The following DAB1 variants were observed in gnomAD, a reference collection of about 807,000 sequenced individuals.
DAB1 encodes the protein DAB adaptor protein 1.
In DAB1, 15 loss-of-function variants were observed where a neutral mutation model predicts 64.6. The observed-to-expected ratio is 0.23, with a 90% confidence interval of 0.16 to 0.36. The LOEUF (loss-of-function observed/expected upper bound fraction) is 0.36, where lower values mean the gene tolerates loss of function less well. DAB1 is among the 10% of genes least tolerant of loss of function. The pLI is 1.00. For missense variants in DAB1, 596 were observed against 706.7 expected (o/e 0.84, Z 1.78); for synonymous variants, 235 against 251.9 (o/e 0.93, Z 0.64).
chr1:57,472,070 C>T (rs1157614999), intron 7 of DAB1, among the ~76,000 whole-genome samples: 1 of 152,200 alleles, frequency 6.6e-6, no homozygotes, highest in East Asian at 1.9e-4. Context: ...CTCTTTTCTA[C>T]AAATGAGAAA....
intron 3 of DAB1, among the ~76,000 whole-genome samples, chr1:58,482,254 C>T (rs1359873499): frequency 1.3e-5 from 2 of 151,998 alleles, no homozygotes; most frequent in South Asian, 2.1e-4. Flanking sequence ...ATAATTAAGG[C>T]CCAAAATTGA....
At chr1:58,029,105 A>G (rs1187245562) in intron 5 of DAB1, among the ~76,000 whole-genome samples, 1 of 152,118 alleles carries the variant, frequency 6.6e-6, no homozygotes, top group Non-Finnish European at 1.5e-5. Context: ...ATACTATCTA[A>G]CACTAAGACC....
At chr1:57,343,135 G>A (rs1285148409) in intron 1 of DAB1, among the ~76,000 whole-genome samples, 1 of 151,986 alleles carries the variant, frequency 6.6e-6, no homozygotes, top group South Asian at 2.1e-4. Context: ...AGACACAAAG[G>A]TTCTCCACGT....
chr1:57,053,666 G>GTGTA (rs1553134281), intron 9 of DAB1, among the ~76,000 whole-genome samples: 1 of 99,192 alleles, frequency 1.0e-5, no homozygotes, highest in Non-Finnish European at 1.8e-5. Flanking sequence ...CTCTCTATAT[G>GTGTA]TATATATATA....
chr1:58,093,474 G>C (rs1650800557), intron 5 of DAB1, among the ~76,000 whole-genome samples: 1 of 151,988 alleles, frequency 6.6e-6, no homozygotes, highest in Non-Finnish European at 1.5e-5. Context: ...GATTCTCATA[G>C]GTGCATGAAC....
chr1:57,824,440 A>T (rs1315852739), downstream of DAB1, among the ~76,000 whole-genome samples: 1 of 152,082 alleles, frequency 6.6e-6, no homozygotes, highest in East Asian at 1.9e-4. Flanking sequence ...CCAGGGTGTG[A>T]TTTAGAGAAA....
At chr1:57,157,049 CA>C (rs1450407099) in intron 2 of DAB1, among the ~76,000 whole-genome samples, 2 of 152,178 alleles carry the variant, frequency 1.3e-5, no homozygotes, top group Admixed American at 6.5e-5. Flanking sequence ...GACACTGAAG[CA>C]GAGCCCACAG....
intron 4 of DAB1, among the ~76,000 whole-genome samples, chr1:58,224,833 T>C (rs968371852): frequency 2.0e-5 from 3 of 152,236 alleles, no homozygotes; most frequent in Admixed American, 6.5e-5. Flanking sequence ...AAGACTTAAA[T>C]GTTAGACCTA....
chr1:58,516,030 G>T (rs185358488), intron 2 of DAB1, among the ~76,000 whole-genome samples: 55 of 152,270 alleles, frequency 3.6e-4, no homozygotes, highest in African/African-American at 1.3e-3. Flanking sequence ...GGTTACTTGA[G>T]GAAACTAGCA....
chr1:57,844,746 T>C (rs891313231), intron 1 of DAB1, among the ~76,000 whole-genome samples: 1 of 152,150 alleles, frequency 6.6e-6, no homozygotes, highest in Non-Finnish European at 1.5e-5. Context: ...AAGAGAGAGA[T>C]ACTGGGGCCC....
intron 6 of DAB1, among the ~76,000 whole-genome samples, chr1:57,704,153 T>C (rs1008815295): frequency 2.0e-5 from 3 of 152,154 alleles, no homozygotes; most frequent in Admixed American, 6.5e-5. Context: ...AGTGTACCTA[T>C]GTAAAAAACC....
Position 57,685,060 on chromosome 1 carries a change from C to A in DAB1, n.552-35395G>T, listed in dbSNP as rs564293899. ...CTATGCCTCCCAGGTTCAAGTGATT[C>A]TTCTGCCTCAGTCTTCTGAGTAGCT... On this transcript the variant is annotated intron_variant and non_coding_transcript_variant, in intron 6 of 20. Coordinates refer to the DAB1 transcript ENST00000485760. Among the ~76,000 whole-genome samples, 3 of 151,618 alleles carry A rather than the reference C, an allele frequency of 2.0e-5. No homozygotes were observed. In the South Asian group the frequency reaches 6.3e-4, roughly 32 times the overall value.
intron 7 of DAB1, among the ~76,000 whole-genome samples, chr1:57,454,849 A>C (rs2101163010): frequency 6.6e-6 from 1 of 152,280 alleles, no homozygotes; most frequent in Admixed American, 6.5e-5. Context: ...TGGGGATTCT[A>C]AAATCAATAA....
intron 1 of DAB1, among the ~76,000 whole-genome samples, chr1:57,842,435 T>C (rs779873025): frequency 3.9e-5 from 6 of 152,158 alleles, no homozygotes; most frequent in African/African-American, 1.4e-4. Context: ...AGTATCTTTA[T>C]AGCAATGCCC....
At position 57,643,570 on chromosome 1, in the gene DAB1, A is replaced by G. The variant is rs561057362; in HGVS notation, n.625+6022T>C. ...TTTTTGATATATAAGGACTTTTTAC[A>G]TACACTCTTATTCAAAAGGAACCAC... On this transcript the variant is annotated intron_variant and non_coding_transcript_variant, in intron 7 of 20. Transcript: ENST00000485760. Among the ~76,000 whole-genome samples, 68 of 152,296 alleles carry G rather than the reference A, an allele frequency of 4.5e-4. 1 individual carries two copies. In the South Asian group the frequency reaches 0.013, roughly 30 times the overall value.
chr1:57,154,853 T>C (rs762355604), intron 2 of DAB1, among the ~76,000 whole-genome samples: 3 of 152,244 alleles, frequency 2.0e-5, no homozygotes, highest in Non-Finnish European at 2.9e-5. Context: ...TTTTGAGAAA[T>C]GTCCATTCAA....
chr1:57,616,015 C>T (rs147992255), intron 7 of DAB1, among the ~76,000 whole-genome samples: 8 of 152,232 alleles, frequency 5.3e-5, no homozygotes, highest in East Asian at 1.9e-4. Context: ...TATCTACAAG[C>T]GCCCTATAAG....
chr1:57,458,386 C>A (rs1686673169), intron 7 of DAB1, among the ~76,000 whole-genome samples: 1 of 151,438 alleles, frequency 6.6e-6, no homozygotes. Flanking sequence ...TCCTGTAAGG[C>A]AAATAGGTCA....
intron 2 of DAB1, among the ~76,000 whole-genome samples, chr1:57,174,214 G>A (rs1662066922): frequency 1.3e-5 from 2 of 152,064 alleles, no homozygotes; most frequent in Admixed American, 6.6e-5. Context: ...ATCTGTATTG[G>A]TATTTCATGA....
Sources: gnomAD v4.1 joint callset for allele counts (sites outside exome capture counted in the v4.1 genomes callset) on GRCh38, gnomAD v4.1.1 for gene constraint, MANE v1.5 for transcripts, NCBI Gene and HGNC (gene_info 2026-07-23, HGNC 2026-07-21) for gene names.